DNAJC10: variants seen among roughly 807,000 people sequenced by gnomAD.
DNAJC10 encodes DnaJ heat shock protein family (Hsp40) member C10.
In DNAJC10, 101 loss-of-function variants were observed where a neutral mutation model predicts 115.0. The observed-to-expected ratio is 0.88, with a 90% CI of 0.75 to 1.04. The LOEUF is 1.04. DNAJC10 is among the 50% of genes least tolerant of loss of function. DNAJC10 has a pLI of 0.00. For synonymous variants in DNAJC10, 307 were observed against 301.5 expected (o/e 1.02, Z -0.19); for missense variants, 981 against 928.8 (o/e 1.06, Z -0.73).
Position 182,751,639 on chromosome 2 carries a change from C to A in DNAJC10, c.1307-19C>A. 1.2e-6 allele frequency: 2 copies of A among 1,605,440 alleles called. No homozygotes were observed. Among genetic ancestry groups the A allele is most frequent in the Non-Finnish European group, 1.7e-6 (2 of 1,177,748 alleles). On this transcript the variant is annotated intron_variant, in intron 14 of 23. Coordinates refer to ENST00000264065, the MANE Select transcript of DNAJC10 (RefSeq NM_018981.4). ...AAAAGCAGAATTTGGATTTGAATTT[C>A]TCTCATTCACTTTGAAAGGAAAGAA...
chr2:182,740,950 C>G (rs191810999), intron 12 of DNAJC10, among the ~76,000 whole-genome samples: 178 of 152,196 alleles, frequency 1.2e-3, no homozygotes, highest in African/African-American at 3.9e-3. Flanking sequence ...AAGCTGACAA[C>G]TTTGCCACCC....
In DNAJC10 at chr2:182,718,104, TA is replaced by T; in HGVS notation, c.21del (p.Asp8MetfsTer7). On this transcript the variant is annotated frameshift_variant, in exon 3 of 24. Transcript: ENST00000264065. LOFTEE classifies it high-confidence loss of function. ...GAAAGAGAATGGGAGTCTGGTTAAA[TA>T]AAGATGACTATATCAGAGACTTGAA... MGVWLNKDDYIRDLKRI... is the reference protein window; with the variant it reads MGVWLNXDDYIRDLKRI... 2 of 1,604,362 alleles carry T rather than the reference TA, an allele frequency of 1.2e-6. No individual in the cohort carries two copies. Among genetic ancestry groups the T allele is most frequent in the Non-Finnish European group, 1.7e-6 (2 of 1,175,418 alleles).
rs1693112269 is a variant in DNAJC10, at chr2:182,720,106, A to C, written c.304A>C (p.Lys102Gln). 6.2e-7 allele frequency: 1 copy of C among 1,612,460 alleles called. No individual in the cohort carries two copies. The highest frequency in any genetic ancestry group is 8.5e-7 in the Non-Finnish European group (1 of 1,178,968). ...GAAAAAGTATGACAAATATGGAGAAAAGGGACTTGAGGATAATCAAGGTGG... is the reference window on the plus strand; with the variant it reads ...GAAAAAGTATGACAAATATGGAGAACAGGGACTTGAGGATAATCAAGGTGG... ...LRKKYDKYGEKGLEDNQGGQY... is the reference protein window; with the variant it reads ...LRKKYDKYGEQGLEDNQGGQY... The change falls in exon 4 of 24, where the codon AAG becomes CAG. Residue 102 changes from lysine to glutamine, a missense_variant. Transcript: ENST00000264065.
chr2:182,773,974 A>G (rs571530729), intron 22 of DNAJC10, among the ~76,000 whole-genome samples: 2 of 140,208 alleles, frequency 1.4e-5, no homozygotes, highest in South Asian at 2.1e-4. Context: ...GGTTTTATCT[A>G]TCTTTGGTCT....
At chr2:182,738,030 A>G (rs1335312672) in intron 11 of DNAJC10, among the ~76,000 whole-genome samples, 1 of 152,216 alleles carries the variant, frequency 6.6e-6, no homozygotes. Flanking sequence ...TATTTAAAAA[A>G]TGTACATTTT....
In DNAJC10 at chr2:182,783,262, G is replaced by A. The variant is rs904833228; in HGVS notation, c.*6130G>A. 1 of 152,104 alleles carries A rather than the reference G, an allele frequency of 6.6e-6. No individual in the cohort carries two copies. The highest frequency in any genetic ancestry group is 1.5e-5 in the Non-Finnish European group (1 of 68,014). 9.4% of individuals were successfully genotyped at this position (152,104 alleles called of 1,614,324 possible). A position where few individuals can be genotyped will look rare whatever the true frequency, so the allele number is the denominator to read the frequency against. On this transcript the variant is annotated 3_prime_UTR_variant, in exon 24 of 24. Transcript: ENST00000264065. ...TGGAAAATATGAAATTGGAAACTTA[G>A]AAAACTTGAATTCTAAGTGGCTATT...
chr2:182,745,333 G>C (rs773483098), intron 14 of DNAJC10, among the ~76,000 whole-genome samples: 3 of 152,196 alleles, frequency 2.0e-5, no homozygotes, highest in Non-Finnish European at 4.4e-5. Context: ...TTGGATGTTT[G>C]TGAATGCCAT....
At position 182,758,823 on chromosome 2, in the gene DNAJC10, T is replaced by A. The variant is rs774519729; in HGVS notation, c.1944-14T>A. 1.3e-6 allele frequency: 2 copies of A among 1,594,158 alleles called. No individual in the cohort carries two copies. The highest frequency in any genetic ancestry group is 1.7e-6 in the Non-Finnish European group (2 of 1,162,430). On this transcript the variant is annotated splice_polypyrimidine_tract_variant and intron_variant, in intron 19 of 23. Coordinates refer to ENST00000264065, the MANE Select transcript of DNAJC10 (RefSeq NM_018981.4). ...GAGAATCCTATTTACAACTAACATT[T>A]TTTCTTCTCTCAGCAGTTACAATGG...
At chr2:182,761,709 C>CT (rs1192915224) in intron 21 of DNAJC10, among the ~76,000 whole-genome samples, 1 of 151,992 alleles carries the variant, frequency 6.6e-6, no homozygotes, top group Non-Finnish European at 1.5e-5. Flanking sequence ...TGTTTGGATG[C>CT]TTATGCGGCA....
At position 182,756,405 on chromosome 2, in the gene DNAJC10, A is replaced by T; in HGVS notation, c.1745A>T (p.Asp582Val). 1.2e-6 allele frequency: 2 copies of T among 1,614,072 alleles called. No homozygotes were observed. Among genetic ancestry groups the T allele is most frequent in the Non-Finnish European group, 1.7e-6 (2 of 1,179,928 alleles). The change falls in exon 18 of 24, where the codon GAT (aspartate) becomes GTT (valine). Residue 582 changes from aspartate (D) to valine (V), a missense_variant. Asp to Val is a radical substitution (Grantham distance 152). Coordinates refer to ENST00000264065, the MANE Select transcript of DNAJC10 (RefSeq NM_018981.4). ...AAACACAACGAAGTCTGGATGGTTG[A>T]TTTCTATTCTCCGTGGTGTCATCCT... ...QRKHNEVWMV[D>V]FYSPWCHPCQ... is the part of the protein sequence containing the mutation.
rs1430667480 is a variant in DNAJC10, at chr2:182,739,218, A to G, written c.988-1081A>G. Reference sequence around the variant, plus strand: ...TATATTTATATATATTTATATATATAATATCTCATATATATTTATATATAT... The same window carrying G: ...TATATTTATATATATTTATATATATGATATCTCATATATATTTATATATAT... On this transcript the variant is annotated intron_variant, in intron 11 of 23. Transcript: ENST00000264065. Among the ~76,000 whole-genome samples the G allele has an allele frequency of 2.1e-5, 3 of 144,902 alleles. No individual in the cohort carries two copies. In the East Asian group the frequency reaches 5.9e-4, roughly 28 times the overall value.
In DNAJC10 at chr2:182,785,115, A is replaced by T. The variant is rs1306614908; in HGVS notation, c.*7983A>T. 6.6e-6 allele frequency: 1 copy of T among 152,218 alleles called. No individual in the cohort carries two copies. The highest frequency in any genetic ancestry group is 1.5e-5 in the Non-Finnish European group (1 of 68,030). The allele number at this position is 152,218 out of a possible 1,614,324, so 9.4% of individuals were successfully genotyped here. ...TAAATAGGACAGATACTCAAAGTGT[A>T]TGAATGGTATGACAATAAATTTAGA... On this transcript the variant is annotated 3_prime_UTR_variant, in exon 24 of 24. Coordinates refer to ENST00000264065, the MANE Select transcript of DNAJC10 (RefSeq NM_018981.4).
At chr2:182,730,191 A>G (rs1451603652) in intron 8 of DNAJC10, among the ~76,000 whole-genome samples, 3 of 152,220 alleles carry the variant, frequency 2.0e-5, no homozygotes, top group Admixed American at 2.0e-4. Context: ...TAAAAAAGGC[A>G]TCTCTCAAAG....
At chr2:182,743,813 T>C (rs1160573326) in intron 14 of DNAJC10, 101 bp downstream of exon 14, 2 of 758,566 alleles carry the variant, frequency 2.6e-6, no homozygotes, top group African/African-American at 1.8e-5. Flanking sequence ...ACATGCTTAT[T>C]GTAAATAACT....
At position 182,720,054 on chromosome 2, in the gene DNAJC10, T is replaced by C. The variant is rs1385876979; in HGVS notation, c.252T>C (p.Tyr84=). The change falls in exon 4 of 24, where the codon TAT becomes TAC. Residue 84 remains tyrosine (Y), a synonymous_variant. Coordinates refer to ENST00000264065, the MANE Select transcript of DNAJC10 (RefSeq NM_018981.4). ...HGDFLKINRA[Y]EVLKDEDLRK... ...ATTTTTTAAAAATAAATAGAGCATA[T>C]GAAGTACTCAAAGATGAAGATCTAC... 1 of 1,598,302 alleles carries C rather than the reference T, an allele frequency of 6.3e-7. No homozygotes were observed.
intron 22 of DNAJC10, among the ~76,000 whole-genome samples, chr2:182,773,869 A>G (rs1189153703): frequency 6.6e-6 from 1 of 152,144 alleles, no homozygotes; most frequent in African/African-American, 2.4e-5. Flanking sequence ...GCTTTGTTCC[A>G]TTGCTGGCGA....
chr2:182,744,448 C>T (rs1693812568), intron 14 of DNAJC10, among the ~76,000 whole-genome samples: 1 of 152,064 alleles, frequency 6.6e-6, no homozygotes, highest in Non-Finnish European at 1.5e-5. Context: ...CTTTAATGGT[C>T]ATTGTATATT....
In DNAJC10 at chr2:182,790,570, G is replaced by A. The variant is rs1162069079; in HGVS notation, c.*13438G>A. The A allele has an allele frequency of 6.6e-6, 1 of 152,026 alleles. No individual in the cohort carries two copies. Among genetic ancestry groups the A allele is most frequent in the African/African-American group, 2.4e-5 (1 of 41,368 alleles). 9.4% of individuals were successfully genotyped at this position (152,026 alleles called of 1,614,324 possible). ...GGAGGCCGAGGCGGGTGGATCCCTT[G>A]AGGTTAAGAGTTCAAGACCAGCCTG... On this transcript the variant is annotated 3_prime_UTR_variant, in exon 24 of 24. Coordinates refer to ENST00000264065, the MANE Select transcript of DNAJC10 (RefSeq NM_018981.4).
At position 182,720,026 on chromosome 2, in the gene DNAJC10, G is replaced by C; in HGVS notation, c.224G>C (p.Gly75Ala). 6.4e-7 allele frequency: 1 copy of C among 1,561,530 alleles called. No individual in the cohort carries two copies. The highest frequency in any genetic ancestry group is 8.8e-7 in the Non-Finnish European group (1 of 1,140,324). The part of the protein sequence containing the change: ...DKNPNNPNAH[G>A]DFLKINRAYE... ...TAACAGAATAACCCAAATGCACATGGCGATTTTTTAAAAATAAATAGAGCA... is the reference window on the plus strand; with the variant it reads ...TAACAGAATAACCCAAATGCACATGCCGATTTTTTAAAAATAAATAGAGCA... Residue 75 changes from glycine (G) to alanine (A), a missense_variant, in exon 4 of 24, where the codon GGC becomes GCC. Physicochemically the swap from Gly to Ala is moderately conservative, Grantham distance 60. Coordinates refer to ENST00000264065, the MANE Select transcript of DNAJC10 (RefSeq NM_018981.4).
Sources: allele counts gnomAD v4.1 joint callset (sites outside exome capture counted in the v4.1 genomes callset), GRCh38; gene constraint gnomAD v4.1.1; transcripts MANE v1.5; gene names NCBI Gene and HGNC (gene_info 2026-07-23, HGNC 2026-07-21).